Variants in PTPN14 observed in about 807,000 individuals in gnomAD.
PTPN14 encodes tyrosine-protein phosphatase non-receptor type 14.
Under a neutral mutation model 126.8 loss-of-function variants are expected in PTPN14, and 53 were observed. The ratio of observed to expected loss-of-function variants is 0.42; its 90% confidence interval spans 0.34 to 0.53. PTPN14 has a LOEUF of 0.53. Ranked by LOEUF, PTPN14 falls within the 20% of genes least tolerant of loss-of-function variation. The probability of loss-of-function intolerance (pLI) is 0.08; values close to 1 mark genes in which losing one functional copy is unlikely to be tolerated. For synonymous variants in PTPN14, 630 were observed against 599.3 expected (o/e 1.05, Z -0.75); for missense variants, 1,257 against 1,552.9 (o/e 0.81, Z 3.20).
At chr1:214,366,331 C>A (rs1046808271) in intron 17 of PTPN14, among the ~76,000 whole-genome samples, 1 of 152,196 alleles carries the variant, frequency 6.6e-6, no homozygotes, top group Non-Finnish European at 1.5e-5. Context: ...AGTATTCTAT[C>A]TGACCAAAGG....
intron 2 of PTPN14, among the ~76,000 whole-genome samples, chr1:214,452,669 C>T (rs564949627): frequency 2.6e-5 from 4 of 152,212 alleles, no homozygotes; most frequent in African/African-American, 7.2e-5. Flanking sequence ...GTGAGATTTT[C>T]GCCCTTAGAC....
intron 18 of PTPN14, among the ~76,000 whole-genome samples, chr1:214,359,985 C>A (rs1401835873): frequency 1.3e-5 from 2 of 152,140 alleles, no homozygotes; most frequent in Non-Finnish European, 2.9e-5. Flanking sequence ...TCTCCCCTCA[C>A]CTTCACCATG....
At chr1:214,449,799 G>A (rs1331695593) in intron 3 of PTPN14, among the ~76,000 whole-genome samples, 1 of 151,674 alleles carries the variant, frequency 6.6e-6, no homozygotes. Flanking sequence ...GCCTCTGTTT[G>A]CAATTATGCC....
At chr1:214,549,730 G>C (rs1475072484) in intron 1 of PTPN14, among the ~76,000 whole-genome samples, 3 of 152,118 alleles carry the variant, frequency 2.0e-5, no homozygotes. Flanking sequence ...ACCGAGCATG[G>C]GCCAATTAAA....
intron 1 of PTPN14, among the ~76,000 whole-genome samples, chr1:214,492,183 TA>T (rs992941500): frequency 7.4e-4 from 107 of 145,282 alleles, no homozygotes; most frequent in African/African-American, 9.3e-4. Context: ...ATACTGTGTT[TA>T]AAAAAAAAAA....
At chr1:214,390,621 G>A (rs1240304936) in intron 11 of PTPN14, among the ~76,000 whole-genome samples, 2 of 152,144 alleles carry the variant, frequency 1.3e-5, no homozygotes, top group African/African-American at 4.8e-5. Context: ...CTACGGCAGT[G>A]AACACAAAGG....
chr1:214,547,892 AT>A (rs1656010831), intron 1 of PTPN14, among the ~76,000 whole-genome samples: 2 of 149,898 alleles, frequency 1.3e-5, no homozygotes, highest in East Asian at 3.9e-4. Flanking sequence ...CAACATGTTT[AT>A]TTTGAGCCAA....
chr1:214,495,832 T>A (rs1335076909), intron 1 of PTPN14, among the ~76,000 whole-genome samples: 1 of 152,046 alleles, frequency 6.6e-6, no homozygotes, highest in Non-Finnish European at 1.5e-5. Context: ...GTAGCTGGGA[T>A]TACAGGCACA....
chr1:214,376,202 C>A lies in PTPN14; in HGVS notation c.2907+17G>T, dbSNP rs777549914. On this transcript the variant is annotated intron_variant, in intron 15 of 18. Transcript: ENST00000366956. ...CAGCCATCTTTACCAAACCTTCTAA[C>A]AGGCTTGCCTTCTTACCTTGATGTG... 2.6e-5 allele frequency: 42 copies of A among 1,604,662 alleles called. No homozygotes were observed. The highest frequency in any genetic ancestry group is 3.3e-5 in the Non-Finnish European group (39 of 1,172,202).
chr1:214,543,225 C>G (rs1241874772), intron 1 of PTPN14, among the ~76,000 whole-genome samples: 1 of 152,148 alleles, frequency 6.6e-6, no homozygotes, highest in African/African-American at 2.4e-5. Context: ...AAATCCAAAC[C>G]TGAAAGGTTT....
Position 214,448,499 on chromosome 1 carries a change from C to T in PTPN14, c.344+3306G>A, listed in dbSNP as rs551155648. ...GACCTCGTGATCCGCCCGCCTCGGTCTCCCAAAGTGCTGGGATTACAGGCG... is the reference window on the plus strand; with the variant it reads ...GACCTCGTGATCCGCCCGCCTCGGTTTCCCAAAGTGCTGGGATTACAGGCG... On this transcript the variant is annotated intron_variant, in intron 3 of 18. Coordinates refer to ENST00000366956, the MANE Select transcript of PTPN14 (RefSeq NM_005401.5). 4.0e-5 allele frequency among the ~76,000 whole-genome samples: 6 copies of T among 151,748 alleles called. No individual in the cohort carries two copies. The East Asian group carries it at 1.2e-3, about 29-fold the overall frequency.
chr1:214,492,611 A>T (rs1208234900), intron 1 of PTPN14, among the ~76,000 whole-genome samples: 1 of 152,216 alleles, frequency 6.6e-6, no homozygotes, highest in Non-Finnish European at 1.5e-5. Context: ...GCCTGGCTAC[A>T]AAGAATGTGT....
At chr1:214,534,384 C>T (rs1009974334) in intron 1 of PTPN14, among the ~76,000 whole-genome samples, 1 of 152,124 alleles carries the variant, frequency 6.6e-6, no homozygotes, top group Non-Finnish European at 1.5e-5. Context: ...TATCAAGCCA[C>T]AAGAGAATGG....
chr1:214,369,417 A>G (rs1658159945), intron 17 of PTPN14, 40 bp downstream of exon 17: 2 of 1,567,506 alleles, frequency 1.3e-6, no homozygotes, highest in Non-Finnish European at 1.8e-6. Context: ...ACAGATCATA[A>G]AAGTCAGTCA....
chr1:214,526,455 T>C (rs1054087545), intron 1 of PTPN14, among the ~76,000 whole-genome samples: 1 of 151,056 alleles, frequency 6.6e-6, no homozygotes, highest in Non-Finnish European at 1.5e-5. Context: ...CAATTGCCAA[T>C]AAAATATACA....
In PTPN14 at chr1:214,364,557, C is replaced by T. The variant is rs1378103490; in HGVS notation, c.3390G>A (p.Val1130=). Residue 1130 remains valine (V), a synonymous_variant, in exon 18 of 19, where the codon GTG becomes GTA. Coordinates refer to ENST00000366956, the MANE Select transcript of PTPN14 (RefSeq NM_005401.5). The surrounding 1 kb of genome is among the most constrained non-coding windows in gnomAD (Gnocchi z 4.1). ...AGATCATCAGCTCAGAAAGAATGAG[C>T]ACGCCGGTCCTTCCCACCCCAGCAC... ...HCSAGVGRTG[V]LILSELMIYC... is the part of the protein sequence containing the mutation. The T allele has an allele frequency of 9.3e-6, 15 of 1,614,054 alleles. No individual in the cohort carries two copies. Among genetic ancestry groups the T allele is most frequent in the Non-Finnish European group, 1.3e-5 (15 of 1,180,028 alleles).
At chr1:214,369,350 C>A in intron 17 of PTPN14, 107 bp downstream of exon 17, 1 of 1,021,416 alleles carries the variant, frequency 9.8e-7, no homozygotes, top group Admixed American at 2.1e-5. Context: ...ATACTTTTGC[C>A]ACTTAAGAGA....
intron 4 of PTPN14, 104 bp from the exon 5 acceptor site, chr1:214,411,855 AT>A (rs1187475118): frequency 1.7e-6 from 1 of 585,934 alleles, no homozygotes; most frequent in Non-Finnish European, 2.8e-6. Context: ...ATTTCATCCT[AT>A]TTCTCACTAT....
chr1:214,505,963 T>C (rs1330575135), intron 1 of PTPN14, among the ~76,000 whole-genome samples: 1 of 152,092 alleles, frequency 6.6e-6, no homozygotes, highest in Non-Finnish European at 1.5e-5. Context: ...TCAGCACAGA[T>C]TTACAATGAA....
Sources: allele counts gnomAD v4.1 joint callset (sites outside exome capture counted in the v4.1 genomes callset), GRCh38; gene constraint gnomAD v4.1.1; non-coding constraint Gnocchi (gnomAD v3.1); transcripts MANE v1.5; gene names NCBI Gene and HGNC (gene_info 2026-07-23, HGNC 2026-07-21).